Variants in SNTB1 observed in about 807,000 individuals in gnomAD.
SNTB1 encodes beta-1-syntrophin.
In SNTB1, 36 loss-of-function variants were observed where a neutral mutation model predicts 48.9. The observed-to-expected ratio is 0.74, with a 90% CI of 0.56 to 0.97. SNTB1 has a LOEUF of 0.97. SNTB1 is among the 50% of genes least tolerant of loss of function. SNTB1 has a pLI of 0.00. For missense variants in SNTB1, 786 were observed against 703.4 expected (o/e 1.12, Z -1.33); for synonymous variants, 299 against 294.6 (o/e 1.01, Z -0.15).
chr8:120,693,360 A>G (rs1818159382), intron 2 of SNTB1, among the ~76,000 whole-genome samples: 1 of 152,170 alleles, frequency 6.6e-6, no homozygotes, highest in African/African-American at 2.4e-5. Context: ...AATTATTCCC[A>G]TCTTAGAGAT....
intron 2 of SNTB1, among the ~76,000 whole-genome samples, chr8:120,672,075 T>A (rs1183836344): frequency 6.6e-6 from 1 of 152,208 alleles, no homozygotes; most frequent in Admixed American, 6.5e-5. Context: ...TTACATGAGA[T>A]ATTCAATACT....
chr8:120,736,987 T>TTTAAAC (rs1408072780), intron 1 of SNTB1, among the ~76,000 whole-genome samples: 1 of 152,196 alleles, frequency 6.6e-6, no homozygotes, highest in African/African-American at 2.4e-5. Context: ...TAACATGGAA[T>TTTAAAC]TTAAACCTAA....
intron 4 of SNTB1, chr8:120,571,187 T>C: frequency 1.6e-6 from 2 of 1,231,894 alleles, no homozygotes; most frequent in Non-Finnish European, 2.1e-6. Flanking sequence ...TATTTTCATG[T>C]TGCCTGAGAG....
intron 2 of SNTB1, among the ~76,000 whole-genome samples, chr8:120,679,471 GCTAA>G (rs2129812904): frequency 6.6e-6 from 1 of 152,252 alleles, no homozygotes; most frequent in South Asian, 2.1e-4. Context: ...AGTGCAGTAA[GCTAA>G]CTAATAGTGG....
At chr8:120,625,350 A>G (rs997903193) in intron 3 of SNTB1, among the ~76,000 whole-genome samples, 2 of 152,236 alleles carry the variant, frequency 1.3e-5, no homozygotes, top group African/African-American at 4.8e-5. Context: ...TCAGCCTACA[A>G]GAAATAAAAT....
rs984181962 is a variant in SNTB1 at position 120,798,595 on chromosome 8, G to A, written c.571+12678C>T. ...CTTTTTAGTTCAATGAATCTAACTT[G>A]TACATAATCTACTCACAGGAACTGT... is the stretch of plus-strand genomic sequence containing the variant. On this transcript the variant is annotated intron_variant, in intron 1 of 6. Coordinates refer to ENST00000517992, the MANE Select transcript of SNTB1 (RefSeq NM_021021.4). 4.6e-5 allele frequency among the ~76,000 whole-genome samples: 7 copies of A among 152,108 alleles called. No homozygotes were observed. The East Asian group carries it at 1.4e-3, about 29-fold the overall frequency.
chr8:120,753,099 G>A (rs1819251496), intron 1 of SNTB1, among the ~76,000 whole-genome samples: 1 of 152,030 alleles, frequency 6.6e-6, no homozygotes, highest in Non-Finnish European at 1.5e-5. Flanking sequence ...GTGTTTCAGA[G>A]GCCCTGGAGG....
chr8:120,740,331 A>G, intron 1 of SNTB1, among the ~76,000 whole-genome samples: 1 of 152,336 alleles, frequency 6.6e-6, no homozygotes, highest in East Asian at 1.9e-4. Flanking sequence ...CTAGAGTATG[A>G]TCTCTCAGAA....
intron 2 of SNTB1, among the ~76,000 whole-genome samples, chr8:120,655,296 A>G (rs1817481377): frequency 6.6e-6 from 1 of 152,246 alleles, no homozygotes; most frequent in South Asian, 2.1e-4. Flanking sequence ...ATTGTTTAAA[A>G]AATACTAAAA....
At chr8:120,654,625 C>T (rs1049610536) in intron 2 of SNTB1, among the ~76,000 whole-genome samples, 1 of 152,120 alleles carries the variant, frequency 6.6e-6, no homozygotes, top group Non-Finnish European at 1.5e-5. Context: ...TGAGCCGTTT[C>T]GATCCAGCTT....
intron 2 of SNTB1, among the ~76,000 whole-genome samples, chr8:120,658,834 G>A (rs1055930778): frequency 1.3e-5 from 2 of 151,994 alleles, no homozygotes; most frequent in African/African-American, 2.4e-5. Context: ...TCTTCTTTTC[G>A]CAAAATATTT....
chr8:120,681,885 AAAAC>A (rs72091757), intron 2 of SNTB1, among the ~76,000 whole-genome samples: 49,454 of 151,440 alleles, frequency 0.33, 8,372 homozygotes, highest in Middle Eastern at 0.43. Flanking sequence ...GATGAAGATA[AAAAC>A]AAACAAACAA....
At chr8:120,673,447 T>C (rs183752443) in intron 2 of SNTB1, among the ~76,000 whole-genome samples, 2 of 152,138 alleles carry the variant, frequency 1.3e-5, no homozygotes, top group Admixed American at 1.3e-4. Context: ...TGCATCACCA[T>C]GCCCAGTTAA....
At chr8:120,678,695 T>C (rs1817879791) in intron 2 of SNTB1, among the ~76,000 whole-genome samples, 1 of 152,242 alleles carries the variant, frequency 6.6e-6, no homozygotes, top group African/African-American at 2.4e-5. Flanking sequence ...AACCACATTT[T>C]CTTATAACTA....
intron 3 of SNTB1, among the ~76,000 whole-genome samples, chr8:120,625,843 T>A (rs1484397203): frequency 6.6e-6 from 1 of 152,218 alleles, no homozygotes; most frequent in African/African-American, 2.4e-5. Context: ...TCTATTTCTA[T>A]CTCTTATCAG....
chr8:120,810,594 C>T (rs1367640812), intron 1 of SNTB1, among the ~76,000 whole-genome samples: 1 of 152,226 alleles, frequency 6.6e-6, no homozygotes, highest in Non-Finnish European at 1.5e-5. Context: ...TCCAGACTGA[C>T]CGGCCAGATG....
At chr8:120,580,637 G>C (rs537589055) in intron 3 of SNTB1, among the ~76,000 whole-genome samples, 2 of 152,170 alleles carry the variant, frequency 1.3e-5, no homozygotes, top group African/African-American at 4.8e-5. Flanking sequence ...TGTTTATCTC[G>C]ACAACTTTTT....
chr8:120,704,284 C>A (rs1191124824), intron 1 of SNTB1, among the ~76,000 whole-genome samples: 1 of 151,954 alleles, frequency 6.6e-6, no homozygotes, highest in Non-Finnish European at 1.5e-5. Context: ...GACCTCATTT[C>A]TACAAAAATA....
intron 2 of SNTB1, among the ~76,000 whole-genome samples, chr8:120,635,319 G>C (rs1817056680): frequency 6.6e-6 from 1 of 152,156 alleles, no homozygotes; most frequent in Non-Finnish European, 1.5e-5. Flanking sequence ...GCATTAATGA[G>C]AGCTCAACGT....
Sources: gnomAD v4.1 joint callset for allele counts (sites outside exome capture counted in the v4.1 genomes callset) on GRCh38, gnomAD v4.1.1 for gene constraint, MANE v1.5 for transcripts, NCBI Gene and HGNC (gene_info 2026-07-23, HGNC 2026-07-21) for gene names.